Variants in PNPT1 observed in about 807,000 individuals in gnomAD.
The protein encoded by PNPT1 is polyribonucleotide nucleotidyltransferase 1, also known as polyribonucleotide nucleotidyltransferase 1, mitochondrial.
PNPT1 carries 53 observed loss-of-function variants against 119.5 expected under a neutral mutation model. The observed-to-expected ratio is 0.44, with a 90% CI of 0.36 to 0.56. PNPT1 has a LOEUF of 0.56. PNPT1 is among the 20% of genes least tolerant of loss of function. The pLI, the probability that PNPT1 is intolerant of heterozygous loss-of-function variation, is 0.00. For synonymous variants in PNPT1, 357 were observed against 322.1 expected (o/e 1.11, Z -1.16); for missense variants, 948 against 938.5 (o/e 1.01, Z -0.13).
chr2:55,681,482 G>A (rs2104159688), intron 5 of PNPT1, among the ~76,000 whole-genome samples: 1 of 152,126 alleles, frequency 6.6e-6, no homozygotes, highest in East Asian at 1.9e-4. Flanking sequence ...AATACGGTAG[G>A]TAAAGCACTT....
chr2:55,663,216 C>T (rs1273311377), intron 13 of PNPT1, among the ~76,000 whole-genome samples: 1 of 152,084 alleles, frequency 6.6e-6, no homozygotes, highest in Non-Finnish European at 1.5e-5. Context: ...TATAACTATA[C>T]TCAAAGGACA....
At chr2:55,681,994 T>A (rs1479734123) in intron 5 of PNPT1, among the ~76,000 whole-genome samples, 4 of 151,762 alleles carry the variant, frequency 2.6e-5, no homozygotes, top group Non-Finnish European at 5.9e-5. Flanking sequence ...ATACAAAAAA[T>A]TAGCCAGGCA....
intron 25 of PNPT1, among the ~76,000 whole-genome samples, chr2:55,642,323 T>C (rs1411828359): frequency 6.6e-6 from 1 of 151,678 alleles, no homozygotes; most frequent in Non-Finnish European, 1.5e-5. Flanking sequence ...AAGAATTCAG[T>C]TGGCCGGGCG....
intron 5 of PNPT1, among the ~76,000 whole-genome samples, chr2:55,683,572 C>T (rs1697310720): frequency 7.0e-6 from 1 of 142,466 alleles, no homozygotes; most frequent in Non-Finnish European, 1.5e-5. Context: ...GAGATCGTGC[C>T]ATTGCACTCC....
chr2:55,642,205 A>G (rs907043057), intron 25 of PNPT1, among the ~76,000 whole-genome samples: 1 of 151,646 alleles, frequency 6.6e-6, no homozygotes, highest in African/African-American at 2.4e-5. Context: ...CCATCAAAAG[A>G]AAAAAAAAGA....
intron 23 of PNPT1, 91 bp from the exon 24 acceptor site, chr2:55,643,516 G>A (rs551154906): frequency 9.0e-6 from 10 of 1,109,814 alleles, no homozygotes; most frequent in Non-Finnish European, 1.3e-5. Context: ...GGGCTGAGGT[G>A]GGAGGATCAC....
At position 55,635,235 on chromosome 2, in the gene PNPT1, C is replaced by T. The variant is rs1486544184; in HGVS notation, c.*1002G>A. 6.6e-6 allele frequency: 1 copy of T among 152,170 alleles called. No homozygotes were observed. Among genetic ancestry groups the T allele is most frequent in the East Asian group, 1.9e-4 (1 of 5,188 alleles). The allele number at this position is 152,170 out of a possible 1,614,324, so 9.4% of individuals were successfully genotyped here. ...CTATTAACCGAAAGTCATGATCCTT[C>T]AGCTCTTATACTAAGAACTTCCATA... On this transcript the variant is annotated 3_prime_UTR_variant, in exon 28 of 28. Transcript: ENST00000447944.
rs889945808 is a variant in PNPT1, at chr2:55,662,114, A to C, written c.1177-88T>G. 12 of 1,138,436 alleles carry C rather than the reference A, an allele frequency of 1.1e-5. No individual in the cohort carries two copies. The Admixed American group carries it at 2.9e-4, about 27-fold the overall frequency. 70.5% of individuals were successfully genotyped at this position (1,138,436 alleles called of 1,614,324 possible). ...TACTTGAAGAATCCAACTAACTCTT[A>C]AAAAAATGAGATAAGTACATCCTAC... On this transcript the variant is annotated intron_variant, in intron 13 of 27. Coordinates refer to ENST00000447944, the MANE Select transcript of PNPT1 (RefSeq NM_033109.5).
intron 9 of PNPT1, 144 bp downstream of exon 9, chr2:55,672,749 G>T: frequency 1.4e-6 from 1 of 719,922 alleles, no homozygotes; most frequent in Non-Finnish European, 2.2e-6. Context: ...GGAGTAAGCA[G>T]ATATTTATGG....
intron 1 of PNPT1, 28 bp from the exon 2 acceptor site, chr2:55,687,733 G>T (rs1459518979): frequency 6.6e-7 from 1 of 1,514,370 alleles, no homozygotes; most frequent in African/African-American, 1.4e-5. Flanking sequence ...TGCAATACAA[G>T]AAGACTTAGG....
intron 18 of PNPT1, among the ~76,000 whole-genome samples, chr2:55,652,322 G>A (rs1391067334): frequency 1.3e-5 from 2 of 152,056 alleles, no homozygotes; most frequent in African/African-American, 4.8e-5. Context: ...ACCTTGTATC[G>A]GCCCATCCCA....
rs551601084 is a variant in PNPT1 at position 55,681,924 on chromosome 2, G to A, written c.454-1006C>T. ...TGGGAGGCTGAGGCGGGCAGATCAC[G>A]GGGTCAGGAGATCAAGACCATCCTG... On this transcript the variant is annotated intron_variant, in intron 5 of 27. Transcript: ENST00000447944. Among the ~76,000 whole-genome samples the A allele has an allele frequency of 3.2e-4, 49 of 151,130 alleles. 1 individual carries two copies. The highest frequency in any genetic ancestry group is 9.2e-4 in the African/African-American group (38 of 41,130).
At chr2:55,683,501 T>C (rs1697308399) in intron 5 of PNPT1, among the ~76,000 whole-genome samples, 1 of 151,112 alleles carries the variant, frequency 6.6e-6, no homozygotes, top group African/African-American at 2.4e-5. Context: ...TAATCCCAGC[T>C]ACTCAGGAGG....
chr2:55,674,511 T>G (rs1697006189), intron 8 of PNPT1, among the ~76,000 whole-genome samples: 1 of 152,132 alleles, frequency 6.6e-6, no homozygotes, highest in South Asian at 2.1e-4. Context: ...GAGAATCACT[T>G]GAACCCAGGA....
At chr2:55,666,057 G>A (rs1559100664) in intron 13 of PNPT1, among the ~76,000 whole-genome samples, 1 of 152,108 alleles carries the variant, frequency 6.6e-6, no homozygotes, top group Non-Finnish European at 1.5e-5. Flanking sequence ...CCATAAACTA[G>A]AGTCTGAGTT....
In PNPT1 at chr2:55,645,405, A is replaced by G. The variant is rs773863798; in HGVS notation, c.1766T>C (p.Met589Thr). Residue 589 changes from methionine (M) to threonine (T), a missense_variant, in exon 22 of 28, where the codon ATG (methionine) becomes ACG (threonine). Coordinates refer to ENST00000447944, the MANE Select transcript of PNPT1 (RefSeq NM_033109.5). Reference sequence around the variant, plus strand: ...TCGAGGTTTTGAAATAGTTTTGTTCATGATCTGTAATATCTCCTTTTTTGC... The same window carrying G: ...TCGAGGTTTTGAAATAGTTTTGTTCGTGATCTGTAATATCTCCTTTTTTGC... ...SVAKKEILQI[M>T]NKTISKPRAS... 1.9e-6 allele frequency: 3 copies of G among 1,611,484 alleles called. No individual in the cohort carries two copies. In the African/African-American group the frequency reaches 4.0e-5, roughly 22 times the overall value.
chr2:55,654,256 C>CAAA (rs1376567034), intron 18 of PNPT1, among the ~76,000 whole-genome samples: 12 of 108,794 alleles, frequency 1.1e-4, no homozygotes, highest in South Asian at 3.4e-4. Context: ...GACTCTGTCT[C>CAAA]AAAAAAAAAA....
At chr2:55,687,332 C>T (rs1323754617) in intron 2 of PNPT1, among the ~76,000 whole-genome samples, 2 of 150,930 alleles carry the variant, frequency 1.3e-5, no homozygotes, top group East Asian at 2.0e-4. Flanking sequence ...CCCAGCTACT[C>T]GGGAGGCTGA....
rs1696930518 is a variant in PNPT1 at position 55,672,002 on chromosome 2, T to C, written c.911A>G (p.His304Arg). Residue 304 changes from histidine (H) to arginine (R), a missense_variant, in exon 10 of 28, where the codon CAT (histidine) becomes CGT (arginine). His to Arg is a conservative substitution (Grantham distance 29). Coordinates refer to ENST00000447944, the MANE Select transcript of PNPT1 (RefSeq NM_033109.5). ...AAACTCAGGTATACCTACTTTGTCATGCTCGTAATCTGTAAAAACTGCATA... is the reference window on the plus strand; with the variant it reads ...AAACTCAGGTATACCTACTTTGTCACGCTCGTAATCTGTAAAAACTGCATA... ...RLYAVFTDYE[H>R]DKVSRDEAVN... is the part of the protein sequence containing the mutation. 1 of 1,600,248 alleles carries C rather than the reference T, an allele frequency of 6.2e-7. No individual in the cohort carries two copies. The highest frequency in any genetic ancestry group is 8.5e-7 in the Non-Finnish European group (1 of 1,173,992).
Sources: allele counts gnomAD v4.1 joint callset (sites outside exome capture counted in the v4.1 genomes callset), GRCh38; gene constraint gnomAD v4.1.1; transcripts MANE v1.5; gene names NCBI Gene and HGNC (gene_info 2026-07-23, HGNC 2026-07-21).